Variants in LARP1B observed in about 807,000 individuals in gnomAD.
LARP1B encodes la-related protein 1B.
LARP1B carries 76 observed loss-of-function variants against 114.2 expected under a neutral mutation model. The ratio of observed to expected loss-of-function variants is 0.67; its 90% CI spans 0.55 to 0.81. LARP1B has a LOEUF of 0.81. Ranked by LOEUF, LARP1B falls within the 30% of genes least tolerant of loss-of-function variation. The pLI is 0.00. For missense variants in LARP1B, 1,014 were observed against 1,075.8 expected (o/e 0.94, Z 0.80); for synonymous variants, 345 against 348.0 (o/e 0.99, Z 0.10).
At chr4:128,176,792 A>G in intron 12 of LARP1B, 80 bp from the exon 13 acceptor site, 1 of 1,353,758 alleles carries the variant, frequency 7.4e-7, no homozygotes, top group South Asian at 1.2e-5. Context: ...AAGAAAATAA[A>G]TTTTAATTTA....
chr4:128,065,253 A>ATCTT, intron 1 of LARP1B, among the ~76,000 whole-genome samples: 1 of 89,616 alleles, frequency 1.1e-5, no homozygotes, highest in Non-Finnish European at 2.4e-5. Flanking sequence ...CCCACAATTA[A>ATCTT]TTTCTTTCTT....
intron 15 of LARP1B, among the ~76,000 whole-genome samples, chr4:128,194,544 A>G (rs370168891): frequency 2.6e-5 from 4 of 151,470 alleles, no homozygotes; most frequent in South Asian, 2.1e-4. Flanking sequence ...TTAGCCGGGC[A>G]TGGTGGCGGG....
At chr4:128,166,970 C>CTCTCTCTA (rs1189451874) in intron 12 of LARP1B, among the ~76,000 whole-genome samples, 4 of 77,834 alleles carry the variant, frequency 5.1e-5, no homozygotes, top group Middle Eastern at 8.2e-3. Flanking sequence ...CTCTCTCTCT[C>CTCTCTCTA]TATATATATA....
At chr4:128,146,640 G>A (rs1002404745) in intron 11 of LARP1B, among the ~76,000 whole-genome samples, 3 of 152,128 alleles carry the variant, frequency 2.0e-5, no homozygotes, top group African/African-American at 7.2e-5. Context: ...AGAGAAGGAG[G>A]GGAATGGGAT....
chr4:128,154,799 T>G (rs1421893784), intron 11 of LARP1B, among the ~76,000 whole-genome samples: 1 of 152,026 alleles, frequency 6.6e-6, no homozygotes, highest in Non-Finnish European at 1.5e-5. Flanking sequence ...TGAGACGGAG[T>G]TTTTTGCTCT....
intron 4 of LARP1B, among the ~76,000 whole-genome samples, chr4:128,081,142 G>A (rs567260409): frequency 3.4e-5 from 5 of 147,936 alleles, no homozygotes; most frequent in South Asian, 2.1e-4. Flanking sequence ...GCAGTGGCAC[G>A]ATCTCGGCTC....
chr4:128,169,947 G>A (rs6811718), intron 12 of LARP1B, among the ~76,000 whole-genome samples: 66,264 of 151,942 alleles, frequency 0.44, 15,764 homozygotes, highest in African/African-American at 0.62. Context: ...TTAATTCTAT[G>A]TATTTTTATT....
At chr4:128,186,141 A>AATTAATTT (rs1750262796) in intron 15 of LARP1B, among the ~76,000 whole-genome samples, 1 of 152,070 alleles carries the variant, frequency 6.6e-6, no homozygotes, top group Non-Finnish European at 1.5e-5. Context: ...TTTTGCCCAG[A>AATTAATTT]ATTAATTTGA....
chr4:128,117,894 CTAATTTTAA>C (rs2149951471), intron 10 of LARP1B, among the ~76,000 whole-genome samples: 1 of 145,262 alleles, frequency 6.9e-6, no homozygotes, highest in East Asian at 2.0e-4. Context: ...TGGTGTAGGT[CTAATTTTAA>C]ACAGAAAATC....
At chr4:128,182,075 G>GT (rs1319976245) in intron 15 of LARP1B, among the ~76,000 whole-genome samples, 2 of 146,688 alleles carry the variant, frequency 1.4e-5, no homozygotes, top group African/African-American at 5.0e-5. Context: ...GCCTCCCAAA[G>GT]TGCTGGGATT....
chr4:128,060,861 A>C (rs1269343898), upstream of LARP1B, among the ~76,000 whole-genome samples: 2 of 151,902 alleles, frequency 1.3e-5, no homozygotes, highest in South Asian at 4.1e-4. Context: ...TTCACTTGGG[A>C]GCTGCCCCAG....
chr4:128,201,914 G>A (rs1225603520), intron 17 of LARP1B, among the ~76,000 whole-genome samples: 1 of 152,104 alleles, frequency 6.6e-6, no homozygotes, highest in Admixed American at 6.5e-5. Flanking sequence ...GATTCCTCTT[G>A]TAAATATCAA....
In LARP1B at chr4:128,178,454, A is replaced by T; in HGVS notation, c.1708A>T (p.Lys570Ter). 6.2e-7 allele frequency: 1 copy of T among 1,613,708 alleles called. No individual in the cohort carries two copies. The highest frequency in any genetic ancestry group is 8.5e-7 in the Non-Finnish European group (1 of 1,179,724). Residue 570 changes from lysine to a stop codon, truncating the protein, a stop_gained, in exon 14 of 20, where the codon AAG (lysine) becomes TAG (stop). Coordinates refer to ENST00000326639, the MANE Select transcript of LARP1B (RefSeq NM_018078.4). LOFTEE classifies it high-confidence loss of function. ...KKDLTDELAQ[K>*]LFDVSEITSA... ...AGATTTGACTGATGAATTAGCTCAG[A>T]AGTTATTTGATGTTTCAGAAATAAC...
intron 9 of LARP1B, among the ~76,000 whole-genome samples, chr4:128,111,115 C>T (rs1783953442): frequency 6.6e-6 from 1 of 150,614 alleles, no homozygotes; most frequent in South Asian, 2.1e-4. Flanking sequence ...GGCACGATCT[C>T]TGCTCACTGC....
rs763486198 is a variant in LARP1B, at chr4:128,114,577, C to T, written c.996C>T (p.Ala332=). ...ACTAACTTAAAATTTTAGAGTCTGC[C>T]CCAAATTCTCCAAGAATTGGAAGCC... The part of the protein sequence containing the change: ...GQAFCSHTES[A]PNSPRIGSPL... The change falls in exon 10 of 20, where the codon GCC becomes GCT. Residue 332 remains alanine (A), a synonymous_variant. Transcript: ENST00000326639. 3.4e-5 allele frequency: 55 copies of T among 1,609,382 alleles called. No homozygotes were observed. The highest frequency in any genetic ancestry group is 4.5e-5 in the Non-Finnish European group (53 of 1,177,758).
chr4:128,168,778 TTCA>T (rs1182387410), intron 12 of LARP1B, among the ~76,000 whole-genome samples: 1 of 152,116 alleles, frequency 6.6e-6, no homozygotes, highest in African/African-American at 2.4e-5. Flanking sequence ...GTTTTTTTTT[TTCA>T]TTGTCTTGGA....
chr4:128,115,321 G>A (rs1289163472), intron 10 of LARP1B, among the ~76,000 whole-genome samples: 1 of 152,202 alleles, frequency 6.6e-6, no homozygotes, highest in Non-Finnish European at 1.5e-5. Flanking sequence ...ACAACACTTC[G>A]GGAGGCCAAG....
At chr4:128,139,969 T>G (rs761911103) in intron 11 of LARP1B, among the ~76,000 whole-genome samples, 3 of 152,198 alleles carry the variant, frequency 2.0e-5, no homozygotes, top group Admixed American at 1.3e-4. Context: ...TAGTAGACAT[T>G]AACCACATGT....
Position 128,178,427 on chromosome 4 carries a change from G to A in LARP1B, c.1685-4G>A, listed in dbSNP as rs546708525. 2.1e-4 allele frequency: 341 copies of A among 1,591,376 alleles called. 5 individuals are homozygous for A. In the South Asian group the frequency reaches 3.3e-3, roughly 16 times the overall value. On this transcript the variant is annotated splice_polypyrimidine_tract_variant and splice_region_variant and intron_variant, in intron 13 of 19. Coordinates refer to ENST00000326639, the MANE Select transcript of LARP1B (RefSeq NM_018078.4). ...AATAATTTTAAGAGTTTTTTATTTTGCAGATTTGACTGATGAATTAGCTCA... is the reference window on the plus strand; with the variant it reads ...AATAATTTTAAGAGTTTTTTATTTTACAGATTTGACTGATGAATTAGCTCA...
Sources: allele counts gnomAD v4.1 joint callset (sites outside exome capture counted in the v4.1 genomes callset), GRCh38; gene constraint gnomAD v4.1.1; transcripts MANE v1.5; gene names NCBI Gene and HGNC (gene_info 2026-07-23, HGNC 2026-07-21).